The following USH2A variants were observed in gnomAD, a reference collection of about 807,000 sequenced individuals.
USH2A encodes the protein Usher syndrome 2A (autosomal recessive, mild).
Under a neutral mutation model 538.9 loss-of-function variants are expected in USH2A, and 443 were observed. The ratio of observed to expected loss-of-function variants is 0.82; its 90% CI spans 0.76 to 0.89. The LOEUF (loss-of-function observed/expected upper bound fraction) is 0.89, where lower values mean the gene tolerates loss of function less well. Among genes scored for constraint, USH2A ranks in the 40% least tolerant of loss-of-function variants. USH2A has a pLI of 0.00. For synonymous variants in USH2A, 2,413 were observed against 2,273.5 expected (o/e 1.06, Z -1.75); for missense variants, 6,633 against 6,324.8 (o/e 1.05, Z -1.65).
At chr1:215,804,295 A>C (rs1262504892) in intron 49 of USH2A, among the ~76,000 whole-genome samples, 4 of 152,156 alleles carry the variant, frequency 2.6e-5, no homozygotes, top group South Asian at 2.1e-4. Flanking sequence ...GGATCTAATT[A>C]AACTCAAGAG....
chr1:216,174,648 C>T, intron 21 of USH2A: 1 of 985,400 alleles, frequency 1.0e-6, no homozygotes, highest in Non-Finnish European at 1.2e-6. Context: ...GCCTCACTTG[C>T]TTTACCATAG....
At chr1:216,129,902 T>A (rs185443620) in intron 21 of USH2A, among the ~76,000 whole-genome samples, 35 of 152,132 alleles carry the variant, frequency 2.3e-4, no homozygotes, top group Middle Eastern at 3.4e-3. Flanking sequence ...GAAATAAATC[T>A]GCATATTTAC....
intron 8 of USH2A, among the ~76,000 whole-genome samples, chr1:216,322,268 A>G (rs1257031392): frequency 6.6e-6 from 1 of 152,126 alleles, no homozygotes; most frequent in African/African-American, 2.4e-5. Context: ...ACCACGTACC[A>G]AGGGAAGGCA....
chr1:216,201,828 T>C, intron 16 of USH2A: 1 of 209,718 alleles, frequency 4.8e-6, no homozygotes, highest in Admixed American at 4.8e-5. Context: ...GGTCGCCTGG[T>C]TTTACTTTCT....
At chr1:215,926,867 C>A (rs574344337) in intron 38 of USH2A, among the ~76,000 whole-genome samples, 1 of 152,110 alleles carries the variant, frequency 6.6e-6, no homozygotes, top group South Asian at 2.1e-4. Flanking sequence ...CTTGGCCTTC[C>A]GAAGTGCTGG....
intron 53 of USH2A, 30 bp downstream of exon 53, chr1:215,782,708 G>C: frequency 6.2e-7 from 1 of 1,605,974 alleles, no homozygotes; most frequent in Non-Finnish European, 8.5e-7. Flanking sequence ...ATGGGATTTT[G>C]TTATTTGTAT....
At chr1:216,153,966 C>T (rs768265901) in intron 21 of USH2A, among the ~76,000 whole-genome samples, 1 of 152,122 alleles carries the variant, frequency 6.6e-6, no homozygotes, top group Non-Finnish European at 1.5e-5. Context: ...CAGAAGAAAT[C>T]TGTTTTCAAG....
chr1:215,690,564 A>G (rs72739296), intron 61 of USH2A, among the ~76,000 whole-genome samples: 30,420 of 152,012 alleles, frequency 0.2, 3,197 homozygotes, highest in Non-Finnish European at 0.23. Flanking sequence ...TCTAATGAAC[A>G]ATAATAATAA....
At chr1:216,395,553 G>A (rs900223667) in intron 3 of USH2A, among the ~76,000 whole-genome samples, 2 of 152,146 alleles carry the variant, frequency 1.3e-5, no homozygotes, top group African/African-American at 4.8e-5. Context: ...TTCTGTACAG[G>A]TATGGTATCA....
intron 9 of USH2A, among the ~76,000 whole-genome samples, chr1:216,309,258 T>C (rs1225571823): frequency 3.9e-5 from 6 of 152,236 alleles, no homozygotes. Flanking sequence ...TTTTTAATTA[T>C]ACATTTCTAA....
intron 61 of USH2A, among the ~76,000 whole-genome samples, chr1:215,708,409 A>G (rs545717140): frequency 6.6e-6 from 1 of 152,278 alleles, no homozygotes; most frequent in Admixed American, 6.5e-5. Context: ...TCCTTGGAAA[A>G]GGAAGAATGG....
intron 35 of USH2A, among the ~76,000 whole-genome samples, chr1:215,983,195 C>T (rs1271701683): frequency 6.6e-6 from 1 of 152,138 alleles, no homozygotes; most frequent in Non-Finnish European, 1.5e-5. Flanking sequence ...CTCCTGACCC[C>T]AGGTGATACA....
At chr1:216,117,814 GTATA>G (rs146211624) in intron 21 of USH2A, among the ~76,000 whole-genome samples, 1 of 144,698 alleles carries the variant, frequency 6.9e-6, no homozygotes, top group African/African-American at 2.5e-5. Flanking sequence ...ATATATATAT[GTATA>G]TATATATACA....
chr1:216,289,230 T>A (rs760464095), intron 11 of USH2A, 50 bp downstream of exon 11: 8 of 1,612,790 alleles, frequency 5.0e-6, no homozygotes, highest in Non-Finnish European at 6.8e-6. Flanking sequence ...TCCAAATAAG[T>A]TTCTGGCAGA....
At chr1:215,949,794 T>A (rs1006873443) in intron 37 of USH2A, among the ~76,000 whole-genome samples, 20 of 152,094 alleles carry the variant, frequency 1.3e-4, no homozygotes, top group African/African-American at 4.8e-4. Flanking sequence ...ATAAATCAGA[T>A]AAAATATTTA....
chr1:216,394,720 C>CTTTTTTTTTTTTTTT lies in USH2A; in HGVS notation c.651+23779_651+23793dup, dbSNP rs780581599. On this transcript the variant is annotated intron_variant, in intron 3 of 71. Transcript: ENST00000307340. ...CTTAAGGCCTAATAACTGGTCCAGT[C>CTTTTTTTTTTTTTTT]TTTTTTTTTTTTTTTTGAGACAGAG... Among the ~76,000 whole-genome samples, 201 of 120,286 alleles carry CTTTTTTTTTTTTTTT rather than the reference C, an allele frequency of 1.7e-3. 27 individuals carry two copies. The highest frequency in any genetic ancestry group is 5.2e-3 in the Middle Eastern group (1 of 192). 78.9% of individuals were successfully genotyped at this position (120,286 alleles called of 152,430 possible). A position where few individuals can be genotyped will look rare whatever the true frequency, so the allele number is the denominator to read the frequency against.
intron 4 of USH2A, among the ~76,000 whole-genome samples, chr1:216,330,270 T>C (rs540870836): frequency 6.6e-6 from 1 of 152,250 alleles, no homozygotes; most frequent in Admixed American, 6.6e-5. Flanking sequence ...GAGCTTGCAT[T>C]CACGTAGATA....
At chr1:215,657,802 G>T (rs750272969) in intron 64 of USH2A, among the ~76,000 whole-genome samples, 1 of 152,116 alleles carries the variant, frequency 6.6e-6, no homozygotes, top group African/African-American at 2.4e-5. Context: ...TGGGTGTCTT[G>T]TCGCTACTGC....
intron 32 of USH2A, among the ~76,000 whole-genome samples, chr1:216,015,168 A>G (rs972512307): frequency 6.6e-6 from 1 of 152,210 alleles, no homozygotes; most frequent in Non-Finnish European, 1.5e-5. Flanking sequence ...GGTAGCACTG[A>G]CCACATCATC....
Sources: allele counts gnomAD v4.1 joint callset (sites outside exome capture counted in the v4.1 genomes callset), GRCh38; gene constraint gnomAD v4.1.1; transcripts MANE v1.5; gene names NCBI Gene and HGNC (gene_info 2026-07-23, HGNC 2026-07-21).